DNAH6: variants seen among roughly 807,000 people sequenced by gnomAD.
DNAH6 encodes dynein axonemal heavy chain 6, also known as axonemal beta dynein heavy chain 6.
DNAH6 carries 340 observed loss-of-function variants against 491.4 expected under a neutral mutation model. The ratio of observed to expected loss-of-function variants is 0.69; its 90% CI spans 0.63 to 0.76. The LOEUF is 0.76. Ranked by LOEUF, DNAH6 falls within the 30% of genes least tolerant of loss-of-function variation. The pLI is 0.00. For synonymous variants in DNAH6, 1,603 were observed against 1,686.1 expected (o/e 0.95, Z 1.21); for missense variants, 4,443 against 4,972.2 (o/e 0.89, Z 3.20).
chr2:84,705,865 G>A, intron 52 of DNAH6, 118 bp downstream of exon 52: 6 of 1,184,258 alleles, frequency 5.1e-6, no homozygotes, highest in Admixed American at 6.9e-5. Context: ...CAAAACTCTT[G>A]GAAATTAGCT....
At chr2:84,791,323 C>A (rs1350108539) in intron 68 of DNAH6, among the ~76,000 whole-genome samples, 2 of 151,560 alleles carry the variant, frequency 1.3e-5, no homozygotes, top group Non-Finnish European at 2.9e-5. Flanking sequence ...TATGGCATAT[C>A]CATAAATAGA....
chr2:84,725,395 G>A (rs751995588), intron 60 of DNAH6, among the ~76,000 whole-genome samples: 15 of 152,146 alleles, frequency 9.9e-5, no homozygotes, highest in African/African-American at 2.9e-4. Flanking sequence ...CATTTTAGCA[G>A]CCTTTGAAAG....
intron 18 of DNAH6, among the ~76,000 whole-genome samples, chr2:84,603,172 C>G (rs1249408602): frequency 6.6e-6 from 1 of 151,908 alleles, no homozygotes; most frequent in Non-Finnish European, 1.5e-5. Flanking sequence ...TTGTTCAAAG[C>G]CAGGTATCTT....
chr2:84,556,074 C>T (rs1679989228), intron 10 of DNAH6, among the ~76,000 whole-genome samples: 1 of 152,174 alleles, frequency 6.6e-6, no homozygotes, highest in South Asian at 2.1e-4. Context: ...CCTGTAGTAG[C>T]ATCTTTCACA....
chr2:84,517,063 C>T (rs182446073), intron 1 of DNAH6, among the ~76,000 whole-genome samples: 97 of 152,212 alleles, frequency 6.4e-4, no homozygotes, highest in Admixed American at 1.3e-3. Context: ...ATACAAAGCT[C>T]TCATATTTCT....
intron 35 of DNAH6, among the ~76,000 whole-genome samples, chr2:84,657,913 A>G (rs983940915): frequency 1.3e-5 from 2 of 152,030 alleles, no homozygotes; most frequent in African/African-American, 4.8e-5. Flanking sequence ...TTATTTTTCT[A>G]CCTTACATAG....
intron 63 of DNAH6, among the ~76,000 whole-genome samples, chr2:84,756,734 G>A (rs1404054363): frequency 6.6e-6 from 1 of 152,144 alleles, no homozygotes; most frequent in Admixed American, 6.5e-5. Context: ...GTGAATTTGT[G>A]CACTCACCCA....
Position 84,595,502 on chromosome 2 carries a change from T to C in DNAH6, c.2725-144T>C, listed in dbSNP as rs76070437. The C allele has an allele frequency of 0.013, 8,874 of 692,772 alleles. 586 individuals are homozygous for C. The African/African-American group carries it at 0.14, about 11-fold the overall frequency. The allele number at this position is 692,772 out of a possible 1,614,324, so 42.9% of individuals were successfully genotyped here. ...TAAACAGGTGATGCTGGATATATAATGTTATTAGCAATTTAATAAGTAAAG... is the reference window on the plus strand; with the variant it reads ...TAAACAGGTGATGCTGGATATATAACGTTATTAGCAATTTAATAAGTAAAG... On this transcript the variant is annotated intron_variant, in intron 17 of 76. Coordinates refer to ENST00000389394, the MANE Select transcript of DNAH6 (RefSeq NM_001370.2).
At chr2:84,724,518 G>A (rs1698445318) in intron 60 of DNAH6, among the ~76,000 whole-genome samples, 1 of 152,186 alleles carries the variant, frequency 6.6e-6, no homozygotes, top group South Asian at 2.1e-4. Flanking sequence ...AAGACTAACT[G>A]GATGCTTTTG....
chr2:84,542,729 C>T (rs1204478973), intron 4 of DNAH6, among the ~76,000 whole-genome samples: 1 of 152,070 alleles, frequency 6.6e-6, no homozygotes, highest in African/African-American at 2.4e-5. Flanking sequence ...TGATTTATAC[C>T]AGTGGTTCTT....
chr2:84,627,619 C>A (rs1688004904), intron 29 of DNAH6, among the ~76,000 whole-genome samples: 1 of 152,180 alleles, frequency 6.6e-6, no homozygotes, highest in South Asian at 2.1e-4. Context: ...GAAAATCTAC[C>A]AGGATGTGTC....
chr2:84,759,990 A>G (rs1042803494), intron 63 of DNAH6, among the ~76,000 whole-genome samples: 2 of 152,216 alleles, frequency 1.3e-5, no homozygotes, highest in African/African-American at 4.8e-5. Flanking sequence ...GGAACAGAAT[A>G]GAAAACCCAG....
chr2:84,605,467 T>C, intron 19 of DNAH6, 33 bp from the exon 20 acceptor site: 2 of 1,446,766 alleles, frequency 1.4e-6, no homozygotes, highest in Non-Finnish European at 1.9e-6. Context: ...ACACACTGAA[T>C]TTAGATATCC....
At chr2:84,812,211 G>C (rs1680055011) in intron 72 of DNAH6, 130 bp from the exon 73 acceptor site, 1 of 712,420 alleles carries the variant, frequency 1.4e-6, no homozygotes, top group Non-Finnish European at 2.3e-6. Flanking sequence ...CCAGCAGACA[G>C]TGTGCAAAGA....
At chr2:84,652,281 A>G (rs921012471) in intron 33 of DNAH6, among the ~76,000 whole-genome samples, 10 of 148,690 alleles carry the variant, frequency 6.7e-5, no homozygotes, top group African/African-American at 2.6e-4. Flanking sequence ...CTATTTCCCC[A>G]TAAGTGTTTT....
At chr2:84,641,896 G>A in intron 32 of DNAH6, 51 bp from the exon 33 acceptor site, 2 of 1,450,712 alleles carry the variant, frequency 1.4e-6, no homozygotes, top group African/African-American at 2.8e-5. Flanking sequence ...AGAAAATCAT[G>A]TTCAACCTTA....
At chr2:84,468,049 A>G in the DNAH6 span, among the ~76,000 whole-genome samples, 51 of 152,186 alleles carry the variant, frequency 3.4e-4, 1 homozygote, top group Non-Finnish European at 1.3e-4. Context: ...AGCAAACTTA[A>G]TATCTGACCT....
intron 33 of DNAH6, among the ~76,000 whole-genome samples, chr2:84,642,355 G>T (rs1185758121): frequency 6.6e-6 from 1 of 152,018 alleles, no homozygotes. Flanking sequence ...GTCAGACTTG[G>T]GGTTTAACAT....
rs1485965653 is a variant in DNAH6, at chr2:84,688,527, A to G, written c.7226A>G (p.Tyr2409Cys). Residue 2409 changes from tyrosine (Y) to cysteine (C), a missense_variant, in exon 45 of 77, where the codon TAT becomes TGT. By Grantham distance (194) the Tyr-to-Cys change is radical (BLOSUM62 -2). Coordinates refer to ENST00000389394, the MANE Select transcript of DNAH6 (RefSeq NM_001370.2). ...GTTCTACAGGACTATCTTGATGATTATAATCTCACAAATCCCAAAGAAGTA... is the reference window on the plus strand; with the variant it reads ...GTTCTACAGGACTATCTTGATGATTGTAATCTCACAAATCCCAAAGAAGTA... Reference protein sequence around the residue: ...ANVLQDYLDDYNLTNPKEVKL... With the variant: ...ANVLQDYLDDCNLTNPKEVKL... 8 of 1,544,026 alleles carry G rather than the reference A, an allele frequency of 5.2e-6. No homozygotes were observed. Among genetic ancestry groups the G allele is most frequent in the Non-Finnish European group, 7.0e-6 (8 of 1,145,458 alleles).
Sources: allele counts gnomAD v4.1 joint callset (sites outside exome capture counted in the v4.1 genomes callset), GRCh38; gene constraint gnomAD v4.1.1; transcripts MANE v1.5; gene names NCBI Gene and HGNC (gene_info 2026-07-23, HGNC 2026-07-21).